ATP2B1: variants seen among roughly 807,000 people sequenced by gnomAD.
ATP2B1 encodes the protein plasma membrane calcium-transporting ATPase 1.
A neutral mutation model predicts 124.2 loss-of-function variants in ATP2B1; 14 were observed. The ratio of observed to expected loss-of-function variants is 0.11; its 90% CI spans 0.07 to 0.18. The LOEUF (loss-of-function observed/expected upper bound fraction) is 0.18. ATP2B1 is among the 10% of genes least tolerant of loss of function. The pLI is 1.00. For missense variants in ATP2B1, 763 were observed against 1,466.1 expected (o/e 0.52, Z 7.83); for synonymous variants, 449 against 492.4 (o/e 0.91, Z 1.17).
At chr12:89,642,503 A>G in intron 2 of ATP2B1, 148 bp from the exon 3 acceptor site, 1 of 786,522 alleles carries the variant, frequency 1.3e-6, no homozygotes. Context: ...TAAATCACTG[A>G]AAAACATGTG....
At chr12:89,639,151 A>G (rs543178826) in intron 3 of ATP2B1, among the ~76,000 whole-genome samples, 1 of 152,342 alleles carries the variant, frequency 6.6e-6, no homozygotes, top group East Asian at 1.9e-4. Flanking sequence ...AAGTTACCAC[A>G]CCTCAGTGTT....
chr12:89,626,972 T>A (rs1384560624), intron 7 of ATP2B1, among the ~76,000 whole-genome samples: 1 of 152,184 alleles, frequency 6.6e-6, no homozygotes, highest in Non-Finnish European at 1.5e-5. Flanking sequence ...AGATTATGTA[T>A]AACCATATGC....
intron 18 of ATP2B1, 93 bp from the exon 19 acceptor site, chr12:89,601,526 G>A: frequency 1.4e-6 from 1 of 700,112 alleles, no homozygotes; most frequent in Non-Finnish European, 2.2e-6. Context: ...TCTAAAACAA[G>A]GTGAACAACC....
intron 1 of ATP2B1, among the ~76,000 whole-genome samples, chr12:89,692,692 C>A (rs1257970928): frequency 6.6e-6 from 1 of 152,178 alleles, no homozygotes; most frequent in Non-Finnish European, 1.5e-5. Flanking sequence ...GTGCTCCTTA[C>A]AATTTTCACT....
At position 89,677,967 on chromosome 12, in the gene ATP2B1, TATATAC is replaced by T. The variant is rs1402564903; in HGVS notation, c.-221-21866_-221-21861del. On this transcript the variant is annotated intron_variant, in intron 1 of 20. Transcript: ENST00000428670. ...GGCATGCAGGAATTATATATATATATATATACACACACACACACACACACACACACA... is the reference window on the plus strand; with the variant it reads ...GGCATGCAGGAATTATATATATATATACACACACACACACACACACACACA... 7.5e-3 allele frequency among the ~76,000 whole-genome samples: 410 copies of T among 54,510 alleles called. 5 individuals carry two copies. Among genetic ancestry groups the T allele is most frequent in the African/African-American group, 0.018 (321 of 17,880 alleles). The allele number at this position is 54,510 out of a possible 152,430, so 35.8% of individuals were successfully genotyped here.
chr12:89,672,218 G>T (rs547622587), intron 1 of ATP2B1, among the ~76,000 whole-genome samples: 2 of 152,346 alleles, frequency 1.3e-5, no homozygotes, highest in South Asian at 4.1e-4. Context: ...ACTTTGGGAG[G>T]CTGAGGCAGG....
At chr12:89,700,774 G>A (rs1273168450) in intron 1 of ATP2B1, among the ~76,000 whole-genome samples, 1 of 152,136 alleles carries the variant, frequency 6.6e-6, no homozygotes, top group Non-Finnish European at 1.5e-5. Context: ...ATTAAAGCAG[G>A]AGCAAGTCTT....
At chr12:89,591,568 T>C (rs572200065) in intron 20 of ATP2B1, among the ~76,000 whole-genome samples, 99 of 152,202 alleles carry the variant, frequency 6.5e-4, no homozygotes, top group African/African-American at 2.3e-3. Context: ...AATAGCCATT[T>C]TATAGGATTT....
At position 89,706,172 on chromosome 12, in the gene ATP2B1, A is replaced by T. The variant is rs564584920; in HGVS notation, c.-222+2424T>A. On this transcript the variant is annotated intron_variant, in intron 1 of 20. Transcript: ENST00000428670. ...ACATGAGATGCACCTGAGAGGAGCC[A>T]TGTATACAAACCACTTTTTCTAACA... 3.3e-5 allele frequency among the ~76,000 whole-genome samples: 5 copies of T among 152,324 alleles called. No homozygotes were observed. The South Asian group carries it at 1.0e-3, about 32-fold the overall frequency.
At chr12:89,643,172 ATATG>A (rs1440095556) in intron 2 of ATP2B1, among the ~76,000 whole-genome samples, 2 of 150,632 alleles carry the variant, frequency 1.3e-5, no homozygotes, top group South Asian at 2.1e-4. Flanking sequence ...ATGTATGTAT[ATATG>A]TATATGTATG....
chr12:89,676,632 A>G (rs1888640971), intron 1 of ATP2B1, among the ~76,000 whole-genome samples: 2 of 152,118 alleles, frequency 1.3e-5, no homozygotes, highest in African/African-American at 4.8e-5. Context: ...TATGTAGGTA[A>G]TATCTGCTTT....
chr12:89,627,887 G>A (rs2136134787), intron 6 of ATP2B1, among the ~76,000 whole-genome samples, 171 bp from the exon 7 acceptor site: 1 of 152,298 alleles, frequency 6.6e-6, no homozygotes, highest in East Asian at 1.9e-4. Flanking sequence ...CACTCCCTAA[G>A]TCTTACCTAC....
chr12:89,642,456 C>A (rs867698773), intron 2 of ATP2B1, 101 bp from the exon 3 acceptor site: 2 of 1,124,664 alleles, frequency 1.8e-6, no homozygotes, highest in South Asian at 1.5e-5. Flanking sequence ...TAGACCCTAC[C>A]AAAATGTTTA....
intron 1 of ATP2B1, among the ~76,000 whole-genome samples, chr12:89,677,527 G>A (rs769722885): frequency 6.6e-6 from 1 of 152,068 alleles, no homozygotes; most frequent in South Asian, 2.1e-4. Flanking sequence ...TTTTACAACT[G>A]AAAATGCCAC....
intron 2 of ATP2B1, among the ~76,000 whole-genome samples, chr12:89,648,237 T>C (rs1234620774): frequency 6.6e-6 from 1 of 152,052 alleles, no homozygotes; most frequent in African/African-American, 2.4e-5. Flanking sequence ...TGAGGGAAAG[T>C]CTGGAAACTT....
At chr12:89,609,037 T>TA (rs1877498226) in intron 15 of ATP2B1, among the ~76,000 whole-genome samples, 1 of 152,200 alleles carries the variant, frequency 6.6e-6, no homozygotes, top group Non-Finnish European at 1.5e-5. Context: ...GTAGATCTTC[T>TA]AAATTTCCAT....
chr12:89,631,555 G>C (rs1432483896), intron 5 of ATP2B1, among the ~76,000 whole-genome samples: 1 of 152,048 alleles, frequency 6.6e-6, no homozygotes, highest in African/African-American at 2.4e-5. Flanking sequence ...TCCTAAAATT[G>C]TGATTTCATC....
intron 20 of ATP2B1, among the ~76,000 whole-genome samples, chr12:89,593,018 C>CT (rs1873881637): frequency 6.6e-6 from 1 of 151,992 alleles, no homozygotes; most frequent in Non-Finnish European, 1.5e-5. Context: ...TATTTGATTG[C>CT]TTGTACTTCA....
chr12:89,693,543 C>T (rs545525685), intron 1 of ATP2B1, among the ~76,000 whole-genome samples: 2 of 152,090 alleles, frequency 1.3e-5, no homozygotes, highest in African/African-American at 2.4e-5. Flanking sequence ...AGCACACAGC[C>T]GTTGCTTTTT....
Sources: gnomAD v4.1 joint callset for allele counts (sites outside exome capture counted in the v4.1 genomes callset) on GRCh38, gnomAD v4.1.1 for gene constraint, MANE v1.5 for transcripts, NCBI Gene and HGNC (gene_info 2026-07-23, HGNC 2026-07-21) for gene names.